The following CFAP221 variants were observed in gnomAD, a reference collection of about 807,000 sequenced individuals.
The protein encoded by CFAP221 is cilia- and flagella-associated protein 221.
In CFAP221, 97 loss-of-function variants were observed where a neutral mutation model predicts 113.1. The ratio of observed to expected loss-of-function variants is 0.86; its 90% CI spans 0.73 to 1.02. CFAP221 has a LOEUF of 1.02. CFAP221 is among the 50% of genes least tolerant of loss of function. CFAP221 has a pLI of 0.00. For synonymous variants in CFAP221, 331 were observed against 354.4 expected, an observed-to-expected ratio of 0.93 and a Z score of 0.74; for missense variants, 1,025 against 1,013.4, an observed-to-expected ratio of 1.01 and a Z score of -0.16.
chr2:119,630,570 G>C lies in CFAP221; in HGVS notation c.1732G>C (p.Val578Leu). Residue 578 changes from valine to leucine, a missense_variant and splice_region_variant, in exon 18 of 24, where the codon GTT becomes CTT. Coordinates refer to ENST00000413369, the MANE Select transcript of CFAP221 (RefSeq NM_001271049.2). ...ATTTTCAATCTTCTTTCACCTTCAG[G>C]TTCCTCAACTGTACAAAATTAAGAG... ...KQSYSFFNLQ[V>L]PQLYKIKRYQ... 1 of 1,598,812 alleles carries C rather than the reference G, an allele frequency of 6.3e-7. No individual in the cohort carries two copies. The highest frequency in any genetic ancestry group is 1.1e-5 in the South Asian group (1 of 90,628).
intron 4 of CFAP221, 71 bp from the exon 5 acceptor site, chr2:119,559,857 T>C (rs1271275944): frequency 6.8e-7 from 1 of 1,474,330 alleles, no homozygotes; most frequent in Non-Finnish European, 9.2e-7. Flanking sequence ...GTGTGTGGTG[T>C]GTTGTCACCC....
In CFAP221 at chr2:119,615,597, T is replaced by C; in HGVS notation, c.1312-14T>C. Reference sequence around the variant, plus strand: ...AATTTAAATGTAAGATGTGCCTATATTTTATATTCACAGAAAATCAAGGAA... The same window carrying C: ...AATTTAAATGTAAGATGTGCCTATACTTTATATTCACAGAAAATCAAGGAA... On this transcript the variant is annotated splice_polypyrimidine_tract_variant and intron_variant, in intron 13 of 23. Coordinates refer to ENST00000413369, the MANE Select transcript of CFAP221 (RefSeq NM_001271049.2). 6.4e-7 allele frequency: 1 copy of C among 1,569,642 alleles called. No homozygotes were observed. Among genetic ancestry groups the C allele is most frequent in the Non-Finnish European group, 8.7e-7 (1 of 1,148,470 alleles).
chr2:119,620,887 G>T (rs975912286), intron 14 of CFAP221, among the ~76,000 whole-genome samples: 3 of 151,872 alleles, frequency 2.0e-5, no homozygotes, highest in Non-Finnish European at 4.4e-5. Flanking sequence ...AAAATAAAGG[G>T]ATGGAGGAAT....
chr2:119,584,061 C>T (rs1558934323), intron 6 of CFAP221, among the ~76,000 whole-genome samples: 1 of 152,124 alleles, frequency 6.6e-6, no homozygotes, highest in Non-Finnish European at 1.5e-5. Context: ...ATTATGGAGA[C>T]ACTTATAAAA....
intron 6 of CFAP221, 144 bp from the exon 7 acceptor site, chr2:119,586,975 T>C: frequency 1.8e-6 from 1 of 544,144 alleles, no homozygotes. Flanking sequence ...TGCATGGGGT[T>C]ACTCCTGGCA....
At chr2:119,646,156 A>T (rs949015520) in intron 21 of CFAP221, among the ~76,000 whole-genome samples, 1 of 152,244 alleles carries the variant, frequency 6.6e-6, no homozygotes, top group Non-Finnish European at 1.5e-5. Context: ...GGGGAGGAAG[A>T]TATGAAATGG....
intron 7 of CFAP221, among the ~76,000 whole-genome samples, chr2:119,591,446 G>C (rs1421797389): frequency 6.6e-6 from 1 of 152,216 alleles, no homozygotes; most frequent in African/African-American, 2.4e-5. Flanking sequence ...ATGGGTGGCA[G>C]TGGTTGCACA....
chr2:119,580,107 A>T (rs2104594967), intron 6 of CFAP221: 1 of 152,318 alleles, frequency 6.6e-6, no homozygotes, highest in South Asian at 2.1e-4. Context: ...CGCTGGTAGA[A>T]TAGCTGACAC....
chr2:119,593,605 C>T (rs370448104), intron 7 of CFAP221, among the ~76,000 whole-genome samples: 11 of 152,168 alleles, frequency 7.2e-5, no homozygotes, highest in Admixed American at 2.0e-4. Context: ...TTTGGGAGGC[C>T]GAGGAGGGCG....
intron 3 of CFAP221, among the ~76,000 whole-genome samples, chr2:119,554,603 A>G (rs915798974): frequency 2.0e-5 from 3 of 152,214 alleles, no homozygotes; most frequent in Non-Finnish European, 4.4e-5. Context: ...CTATTCTATT[A>G]CAGCCTTAGA....
At chr2:119,580,053 C>A (rs1248416266) in intron 6 of CFAP221, 1 of 152,236 alleles carries the variant, frequency 6.6e-6, no homozygotes, top group Admixed American at 6.5e-5. Context: ...AAATACCTCA[C>A]ACGCATGTGT....
At chr2:119,611,815 C>A (rs1574130925) in intron 13 of CFAP221, 73 bp downstream of exon 13, 1 of 1,090,186 alleles carries the variant, frequency 9.2e-7, no homozygotes, top group Non-Finnish European at 1.4e-6. Flanking sequence ...GAATGCTAAA[C>A]AATTTTATAG....
intron 7 of CFAP221, among the ~76,000 whole-genome samples, chr2:119,593,837 CAAAA>C (rs925460852): frequency 1.4e-5 from 2 of 141,356 alleles, no homozygotes; most frequent in South Asian, 4.9e-4. Flanking sequence ...GACTCAGTCT[CAAAA>C]AAAAAACAAA....
In CFAP221 at chr2:119,587,178, C is replaced by T; in HGVS notation, c.587C>T (p.Thr196Ile). 6 of 1,533,440 alleles carry T rather than the reference C, an allele frequency of 3.9e-6. No homozygotes were observed. Among genetic ancestry groups the T allele is most frequent in the South Asian group, 3.6e-5 (3 of 83,510 alleles). The allele number at this position is 1,533,440 out of a possible 1,614,324, so 95.0% of individuals were successfully genotyped here. Reference sequence around the variant, plus strand: ...CCTGTAGATTTTGAGTTTTATATCACCTTGATTCAGTCTCATCAAGCCTTT... The same window carrying T: ...CCTGTAGATTTTGAGTTTTATATCATCTTGATTCAGTCTCATCAAGCCTTT... ...SCPVDFEFYI[T>I]LIQSHQAFAI... is the part of the protein sequence containing the mutation. The change falls in exon 7 of 24, where the codon ACC (threonine) becomes ATC (isoleucine). Residue 196 changes from threonine to isoleucine, a missense_variant. By Grantham distance (89) the Thr-to-Ile change is moderately conservative. Coordinates refer to ENST00000413369, the MANE Select transcript of CFAP221 (RefSeq NM_001271049.2).
At chr2:119,578,616 T>C (rs1682619152) in intron 6 of CFAP221, among the ~76,000 whole-genome samples, 1 of 152,260 alleles carries the variant, frequency 6.6e-6, no homozygotes, top group Non-Finnish European at 1.5e-5. Flanking sequence ...ACCTTATCCA[T>C]ACATCTCTGT....
intron 23 of CFAP221, among the ~76,000 whole-genome samples, chr2:119,652,754 C>T (rs916245548): frequency 6.6e-6 from 1 of 151,948 alleles, no homozygotes; most frequent in Admixed American, 6.6e-5. Flanking sequence ...TGTAAACCAC[C>T]TATAGTTCAT....
intron 1 of CFAP221, among the ~76,000 whole-genome samples, chr2:119,545,525 C>A (rs938486010): frequency 6.6e-6 from 1 of 152,168 alleles, no homozygotes; most frequent in Non-Finnish European, 1.5e-5. Flanking sequence ...ATGTCTGGCA[C>A]CTGGCTGGCC....
intron 6 of CFAP221, among the ~76,000 whole-genome samples, chr2:119,581,455 T>G (rs1364999179): frequency 6.6e-6 from 1 of 152,132 alleles, no homozygotes; most frequent in African/African-American, 2.4e-5. Context: ...CTGAATAAAC[T>G]CTATACTGGA....
rs773999512 is a variant in CFAP221 at position 119,608,471 on chromosome 2, T to C, written c.1134-31T>C. 2.7e-6 allele frequency: 4 copies of C among 1,483,114 alleles called. No homozygotes were observed. In the East Asian group the frequency reaches 9.3e-5, roughly 35 times the overall value. 91.9% of individuals were successfully genotyped at this position (1,483,114 alleles called of 1,614,324 possible). A position where few individuals can be genotyped will look rare whatever the true frequency, so the allele number is the denominator to read the frequency against. ...AGTTGACTCTGGTATTCTGATGGGTTCTGGACACAGTTTTTTTTTTTTCTC... is the reference window on the plus strand; with the variant it reads ...AGTTGACTCTGGTATTCTGATGGGTCCTGGACACAGTTTTTTTTTTTTCTC... On this transcript the variant is annotated intron_variant, in intron 11 of 23. Coordinates refer to ENST00000413369, the MANE Select transcript of CFAP221 (RefSeq NM_001271049.2).
Sources: allele counts gnomAD v4.1 joint callset (sites outside exome capture counted in the v4.1 genomes callset), GRCh38; gene constraint gnomAD v4.1.1; transcripts MANE v1.5; gene names NCBI Gene and HGNC (gene_info 2026-07-23, HGNC 2026-07-21).